MARCHF1: variants seen among roughly 807,000 people sequenced by gnomAD.
MARCHF1 encodes the protein membrane associated ring-CH-type finger 1.
MARCHF1 carries 40 observed loss-of-function variants against 54.2 expected under a neutral mutation model. The ratio of observed to expected loss-of-function variants is 0.74; its 90% CI spans 0.57 to 0.96. MARCHF1 has a LOEUF of 0.96. MARCHF1 is among the 40% of genes least tolerant of loss of function. MARCHF1 has a pLI of 0.00. For missense variants in MARCHF1, 586 were observed against 656.5 expected, an observed-to-expected ratio of 0.89 and a Z score of 1.17; for synonymous variants, 236 against 236.3, an observed-to-expected ratio of 1.00 and a Z score of 0.01.
intron 1 of MARCHF1, among the ~76,000 whole-genome samples, chr4:164,301,551 A>C (rs1307719465): frequency 6.6e-6 from 1 of 152,216 alleles, no homozygotes; most frequent in African/African-American, 2.4e-5. Flanking sequence ...CGGTTTGTAC[A>C]TTAGGGAATC....
chr4:163,828,215 T>C (rs1012536190), intron 4 of MARCHF1, among the ~76,000 whole-genome samples: 1 of 152,188 alleles, frequency 6.6e-6, no homozygotes, highest in Non-Finnish European at 1.5e-5. Flanking sequence ...GCAAAAGTAA[T>C]TGAGGTTTTT....
At chr4:163,757,566 T>C (rs1746713020) in intron 4 of MARCHF1, among the ~76,000 whole-genome samples, 1 of 152,068 alleles carries the variant, frequency 6.6e-6, no homozygotes, top group East Asian at 1.9e-4. Context: ...AGATAAGTAA[T>C]TTTTTTGTTT....
chr4:164,214,276 G>C (rs1460196566), intron 1 of MARCHF1, among the ~76,000 whole-genome samples: 1 of 152,086 alleles, frequency 6.6e-6, no homozygotes, highest in Non-Finnish European at 1.5e-5. Context: ...GACAGTAAAT[G>C]GATTAAGTTA....
At chr4:163,739,049 G>A (rs953698408) in intron 4 of MARCHF1, among the ~76,000 whole-genome samples, 1 of 152,154 alleles carries the variant, frequency 6.6e-6, no homozygotes, top group African/African-American at 2.4e-5. Context: ...TCTTATGAAA[G>A]AAAGTATTCT....
intron 2 of MARCHF1, among the ~76,000 whole-genome samples, chr4:164,007,646 CTGTGTGTGTG>C (rs70948688): frequency 1.4e-3 from 197 of 139,984 alleles, no homozygotes; most frequent in Middle Eastern, 3.6e-3. Context: ...CTCTCTCTCT[CTGTGTGTGTG>C]TGTGTGTGTG....
chr4:163,617,636 T>C (rs865868838), intron 5 of MARCHF1, among the ~76,000 whole-genome samples: 17 of 152,194 alleles, frequency 1.1e-4, no homozygotes, highest in African/African-American at 4.1e-4. Context: ...ATCTGTTCTC[T>C]AAGCAGTATA....
intron 1 of MARCHF1, among the ~76,000 whole-genome samples, chr4:164,306,380 G>A (rs1045854150): frequency 2.6e-5 from 4 of 151,964 alleles, no homozygotes; most frequent in Admixed American, 2.0e-4. Flanking sequence ...TTTCTATCAA[G>A]GTCACACTCC....
chr4:164,359,431 G>C (rs1475366692), intron 1 of MARCHF1, among the ~76,000 whole-genome samples: 1 of 152,110 alleles, frequency 6.6e-6, no homozygotes, highest in Non-Finnish European at 1.5e-5. Context: ...TCCCTGAACT[G>C]CTTCCTCTGT....
intron 2 of MARCHF1, among the ~76,000 whole-genome samples, chr4:164,030,688 G>C (rs1197541645): frequency 1.3e-5 from 2 of 152,144 alleles, no homozygotes; most frequent in Non-Finnish European, 2.9e-5. Context: ...GCAGAGTTAA[G>C]ACTTATAAAA....
At chr4:163,855,135 T>A (rs894787300) in intron 3 of MARCHF1, among the ~76,000 whole-genome samples, 1 of 152,164 alleles carries the variant, frequency 6.6e-6, no homozygotes, top group Non-Finnish European at 1.5e-5. Context: ...ACGGTTGCAC[T>A]AACAGATTTC....
intron 4 of MARCHF1, among the ~76,000 whole-genome samples, chr4:163,849,420 A>G (rs1461823673): frequency 2.0e-5 from 3 of 152,308 alleles, no homozygotes; most frequent in South Asian, 2.1e-4. Context: ...CTCAACTGAT[A>G]TGGGTGACAG....
intron 3 of MARCHF1, among the ~76,000 whole-genome samples, chr4:163,907,209 C>T (rs1470657662): frequency 6.6e-6 from 1 of 151,922 alleles, no homozygotes; most frequent in Non-Finnish European, 1.5e-5. Context: ...AAATTGTATC[C>T]TATATTTCTA....
chr4:163,612,307 G>C lies in MARCHF1; in HGVS notation c.974C>G (p.Thr325Ser). 6.6e-7 allele frequency: 1 copy of C among 1,522,048 alleles called. No individual in the cohort carries two copies. The highest frequency in any genetic ancestry group is 8.8e-7 in the Non-Finnish European group (1 of 1,142,566). The allele number at this position is 1,522,048 out of a possible 1,614,324, so 94.3% of individuals were successfully genotyped here. The change falls in exon 7 of 10, where the codon ACC becomes AGC. Residue 325 changes from threonine to serine, a missense_variant. By Grantham distance (58) the Thr-to-Ser change is moderately conservative (BLOSUM62 1). This residue lies in a region of MARCHF1 where 387 missense variants were observed against 394.6 expected (regional missense o/e 0.98). Coordinates refer to ENST00000514618, the MANE Select transcript of MARCHF1 (RefSeq NM_001394959.1). ...VNNPVQKPPA[T>S]YDDGSDNLEV... The stretch of plus-strand genomic sequence containing the variant: ...TAAATTATCAGACCCATCGTCATAG[G>C]TGGCAGGAGGCTTCTGAACAGGGTT...
At chr4:164,066,054 AATACTTT>A (rs1387478049) in intron 2 of MARCHF1, among the ~76,000 whole-genome samples, 2 of 152,118 alleles carry the variant, frequency 1.3e-5, no homozygotes, top group Non-Finnish European at 2.9e-5. Flanking sequence ...ACCCAGAAAC[AATACTTT>A]ACCAGCTATC....
At chr4:164,164,894 C>A (rs1386727838) in intron 1 of MARCHF1, among the ~76,000 whole-genome samples, 1 of 152,014 alleles carries the variant, frequency 6.6e-6, no homozygotes, top group Admixed American at 6.6e-5. Flanking sequence ...AGACCCTCCT[C>A]AATTCCTTCT....
chr4:164,273,481 A>G (rs914806437), intron 1 of MARCHF1, among the ~76,000 whole-genome samples: 3 of 152,192 alleles, frequency 2.0e-5, no homozygotes, highest in Non-Finnish European at 4.4e-5. Flanking sequence ...ATCAGTAGGC[A>G]TGTGTTGAAT....
chr4:164,018,652 A>G (rs1264312016), intron 2 of MARCHF1, among the ~76,000 whole-genome samples: 2 of 152,140 alleles, frequency 1.3e-5, no homozygotes, highest in Non-Finnish European at 2.9e-5. Context: ...TTAGTAAAAC[A>G]TATTTTAAAA....
intron 2 of MARCHF1, among the ~76,000 whole-genome samples, chr4:164,036,347 G>A (rs186438894): frequency 6.6e-6 from 1 of 152,044 alleles, no homozygotes; most frequent in Admixed American, 6.6e-5. Flanking sequence ...GATAGAGATT[G>A]AATGACTGAA....
chr4:163,842,954 C>T (rs1361165280), intron 4 of MARCHF1, among the ~76,000 whole-genome samples: 4 of 140,748 alleles, frequency 2.8e-5, no homozygotes, highest in African/African-American at 1.1e-4. Flanking sequence ...AAGAATGATC[C>T]CCTCACCCAG....
Sources: allele counts gnomAD v4.1 joint callset (sites outside exome capture counted in the v4.1 genomes callset), GRCh38; gene constraint gnomAD v4.1.1; regional missense constraint gnomAD v4.1.1; transcripts MANE v1.5; gene names NCBI Gene and HGNC (gene_info 2026-07-23, HGNC 2026-07-21).